RUFY2: variants seen among roughly 807,000 people sequenced by gnomAD.
RUFY2 encodes the protein RUN and FYVE domain containing 2, also known as RUN and FYVE domain-containing protein 2.
RUFY2 carries 49 observed loss-of-function variants against 94.4 expected under a neutral mutation model. The observed-to-expected ratio is 0.52, with a 90% confidence interval of 0.41 to 0.66. RUFY2 has a LOEUF of 0.66. Ranked by LOEUF, RUFY2 falls within the 30% of genes least tolerant of loss-of-function variation. The pLI, the probability that RUFY2 is intolerant of heterozygous loss-of-function variation, is 0.00. For synonymous variants in RUFY2, 255 were observed against 235.7 expected (o/e 1.08, Z -0.75); for missense variants, 541 against 692.8 (o/e 0.78, Z 2.46).
chr10:68,346,624 G>C (rs1311001277), intron 16 of RUFY2: 2 of 152,084 alleles, frequency 1.3e-5, no homozygotes, highest in African/African-American at 4.8e-5. Context: ...CCTTAAAATA[G>C]TACAACAACA....
downstream of RUFY2, chr10:68,341,713 C>T (rs2045959900): frequency 6.3e-7 from 1 of 1,588,318 alleles, no homozygotes; most frequent in Non-Finnish European, 8.6e-7. Flanking sequence ...GCAGGGTTAG[C>T]TGCTTATCGA....
At chr10:68,360,560 G>T (rs1159333779) in intron 15 of RUFY2, among the ~76,000 whole-genome samples, 1 of 152,042 alleles carries the variant, frequency 6.6e-6, no homozygotes, top group Non-Finnish European at 1.5e-5. Context: ...TGACTAAAAT[G>T]ATGAAACCCC....
intron 13 of RUFY2, among the ~76,000 whole-genome samples, chr10:68,373,502 C>T (rs755740999): frequency 1.3e-5 from 2 of 152,202 alleles, no homozygotes; most frequent in Non-Finnish European, 2.9e-5. Flanking sequence ...CATGATGGCT[C>T]ATGCCTATAA....
intron 15 of RUFY2, among the ~76,000 whole-genome samples, chr10:68,358,685 C>T (rs771406553): frequency 1.1e-4 from 17 of 151,982 alleles, no homozygotes; most frequent in East Asian, 9.7e-4. Context: ...CCAAGGCAGA[C>T]GGATAACCTG....
chr10:68,394,611 ATATTTTT>A lies in RUFY2; in HGVS notation c.399-167_399-161del, dbSNP rs199829545. On this transcript the variant is annotated intron_variant, in intron 4 of 17. Coordinates refer to ENST00000602465, the MANE Select transcript of RUFY2 (RefSeq NM_001330103.2). ...CCTTTATACGTGTGAATAACTTTTT[ATATTTTT>A]TATTTTTTATTTATTAATTTTTTTT... is the stretch of plus-strand genomic sequence containing the variant. 8.1e-3 allele frequency among the ~76,000 whole-genome samples: 1,237 copies of A among 151,784 alleles called. 17 individuals are homozygous for A. Among genetic ancestry groups the A allele is most frequent in the African/African-American group, 0.028 (1,154 of 41,450 alleles).
chr10:68,378,479 T>C, intron 12 of RUFY2: 1 of 1,360,618 alleles, frequency 7.3e-7, no homozygotes, highest in Non-Finnish European at 9.5e-7. Flanking sequence ...GAATATTTAA[T>C]AGCATTTAGA....
downstream of RUFY2, chr10:68,341,931 T>C: frequency 6.2e-7 from 1 of 1,600,520 alleles, no homozygotes; most frequent in South Asian, 1.1e-5. Context: ...TTTATTATTT[T>C]ATGCAGATAT....
intron 13 of RUFY2, among the ~76,000 whole-genome samples, chr10:68,376,102 C>A (rs1176048536): frequency 2.1e-5 from 3 of 143,520 alleles, no homozygotes; most frequent in African/African-American, 7.8e-5. Flanking sequence ...GACTCCATCT[C>A]GAAGGAAAAA....
intron 13 of RUFY2, among the ~76,000 whole-genome samples, chr10:68,369,149 C>T (rs1395908506): frequency 2.0e-5 from 3 of 152,162 alleles, no homozygotes; most frequent in African/African-American, 7.2e-5. Flanking sequence ...TTGTCCTCTT[C>T]AAAACTCACA....
chr10:68,343,948 A>C lies in RUFY2; in HGVS notation c.*1820T>G, dbSNP rs970040665. 6.6e-6 allele frequency: 1 copy of C among 152,166 alleles called. No homozygotes were observed. The highest frequency in any genetic ancestry group is 2.4e-5 in the African/African-American group (1 of 41,462). The allele number at this position is 152,166 out of a possible 1,614,324, so 9.4% of individuals were successfully genotyped here. On this transcript the variant is annotated 3_prime_UTR_variant, in exon 18 of 18. Coordinates refer to ENST00000602465, the MANE Select transcript of RUFY2 (RefSeq NM_001330103.2). ...CCTTGGAATTTAAGCAACTTAAGTC[A>C]CATTTTAAAATTTGTTCTAAGCACA...
chr10:68,363,983 C>CT lies in RUFY2; in HGVS notation c.1455dup (p.Glu486ArgfsTer4). The CT allele has an allele frequency of 6.3e-7, 1 of 1,575,720 alleles. No individual in the cohort carries two copies. The highest frequency in any genetic ancestry group is 8.7e-7 in the Non-Finnish European group (1 of 1,153,678). On this transcript the variant is annotated frameshift_variant and splice_region_variant. Transcript: ENST00000602465. LOFTEE classifies it high-confidence loss of function. ...ATTTTTAAAGTTTTACCACTATTTA[C>CT]TTTTTTAAGACTAATGATTTGTTGA...
At chr10:68,396,957 T>A in intron 3 of RUFY2, 76 bp from the exon 4 acceptor site, 2 of 947,826 alleles carry the variant, frequency 2.1e-6, no homozygotes, top group Admixed American at 2.3e-5. Context: ...AGGTAAACAT[T>A]AACAAGGAAA....
In RUFY2 at chr10:68,363,606, C is replaced by T. The variant is rs181517442; in HGVS notation, c.1534G>A (p.Gly512Ser). The T allele has an allele frequency of 8.7e-6, 14 of 1,600,210 alleles. No homozygotes were observed. Among genetic ancestry groups the T allele is most frequent in the African/African-American group, 1.3e-5 (1 of 74,242 alleles). The change falls in exon 15 of 18, where the codon GGC (glycine) becomes AGC (serine). Residue 512 changes from glycine (G) to serine (S), a missense_variant. By Grantham distance (56) the Gly-to-Ser change is moderately conservative. Around this residue, in one of 3 missense-constraint regions of RUFY2, gnomAD observed 403 missense variants for 480.7 expected, o/e 0.84. Transcript: ENST00000602465. ...HEQEQALQELGNKLSESKLKI... is the reference protein window; with the variant it reads ...HEQEQALQELSNKLSESKLKI... ...AGAAATTACTCGCTAAGCTTGTTGC[C>T]GAGTTCTTGAAGAGCTTGCTCTTGT...
At chr10:68,341,945 C>A, downstream of RUFY2, 1 of 1,606,844 alleles carries the variant, frequency 6.2e-7, no homozygotes, top group Non-Finnish European at 8.5e-7. Flanking sequence ...CAGATATCTC[C>A]TGCTGAGTGA....
chr10:68,396,839 G>A lies in RUFY2; in HGVS notation c.339C>T (p.Leu113=). ...GRARAWLRLA[L]MQKKMADYLR... ...AGTAATCGGCCATTTTTTTTTGCAT[G>A]AGGGCTAATCGAAGCCACGCTCTTG... Residue 113 remains leucine (L), a synonymous_variant, in exon 4 of 18, where the codon CTC becomes CTT. Coordinates refer to ENST00000602465, the MANE Select transcript of RUFY2 (RefSeq NM_001330103.2). 1 of 1,612,058 alleles carries A rather than the reference G, an allele frequency of 6.2e-7. No individual in the cohort carries two copies. Among genetic ancestry groups the A allele is most frequent in the Non-Finnish European group, 8.5e-7 (1 of 1,179,176 alleles).
chr10:68,364,891 C>G (rs1262175856), intron 13 of RUFY2, among the ~76,000 whole-genome samples: 2 of 151,494 alleles, frequency 1.3e-5, no homozygotes, highest in East Asian at 3.9e-4. Context: ...GCAAAGCAAA[C>G]ATAGTTGAAT....
intron 13 of RUFY2, among the ~76,000 whole-genome samples, chr10:68,374,553 C>T (rs2048496320): frequency 6.6e-6 from 1 of 152,106 alleles, no homozygotes; most frequent in East Asian, 1.9e-4. Context: ...AATATATTTA[C>T]CAATCCACAA....
intron 11 of RUFY2, among the ~76,000 whole-genome samples, chr10:68,380,552 A>G (rs1200179597): frequency 1.3e-5 from 2 of 151,980 alleles, no homozygotes; most frequent in African/African-American, 2.4e-5. Flanking sequence ...CTTAATAGCA[A>G]TATCATCGTA....
At chr10:68,348,428 G>A (rs1002886493) in intron 16 of RUFY2, among the ~76,000 whole-genome samples, 2 of 151,190 alleles carry the variant, frequency 1.3e-5, no homozygotes, top group Admixed American at 1.3e-4. Flanking sequence ...GAGGTGGGAG[G>A]ATTGCTTAAA....
Sources: gnomAD v4.1 joint callset for allele counts (sites outside exome capture counted in the v4.1 genomes callset) on GRCh38, gnomAD v4.1.1 for gene constraint, gnomAD v4.1.1 regional missense constraint, MANE v1.5 for transcripts, NCBI Gene and HGNC (gene_info 2026-07-23, HGNC 2026-07-21) for gene names.